The following PCDHA5 variants were observed in gnomAD, a reference collection of about 807,000 sequenced individuals.
The protein encoded by PCDHA5 is protocadherin alpha-5.
A neutral mutation model predicts 61.6 loss-of-function variants in PCDHA5; 43 were observed. The observed-to-expected ratio is 0.70, with a 90% CI of 0.55 to 0.90. PCDHA5 has a LOEUF of 0.90. Among genes scored for constraint, PCDHA5 ranks in the 40% least tolerant of loss-of-function variants. The probability of loss-of-function intolerance (pLI) is 0.00; values close to 1 mark genes in which losing one functional copy is unlikely to be tolerated. For synonymous variants in PCDHA5, 627 were observed against 543.9 expected (o/e 1.15, Z -2.13); for missense variants, 1,298 against 1,222.7 (o/e 1.06, Z -0.92).
chr5:140,934,103 T>C (rs1400037088), intron 1 of PCDHA5, among the ~76,000 whole-genome samples: 1 of 152,148 alleles, frequency 6.6e-6, no homozygotes, highest in Non-Finnish European at 1.5e-5. Context: ...TGCTTTCTAT[T>C]TTATTAATTT....
chr5:140,909,690 G>T (rs2074638063), intron 1 of PCDHA5, among the ~76,000 whole-genome samples: 1 of 152,280 alleles, frequency 6.6e-6, no homozygotes, highest in African/African-American at 2.4e-5. Context: ...CAATGTGGGG[G>T]TTCTGCTAGC....
intron 1 of PCDHA5, among the ~76,000 whole-genome samples, chr5:140,951,121 C>A (rs1223231581): frequency 6.9e-6 from 1 of 145,374 alleles, no homozygotes; most frequent in African/African-American, 2.6e-5. Context: ...TCATTCCTTA[C>A]CAATAAGTTT....
chr5:140,842,877 C>G (rs782040771), intron 1 of PCDHA5: 5 of 1,593,864 alleles, frequency 3.1e-6, no homozygotes, highest in Non-Finnish European at 4.3e-6. Flanking sequence ...AAGGTGTACG[C>G]GCTGCAGCCG....
intron 1 of PCDHA5, chr5:140,851,862 A>G: frequency 2.0e-6 from 2 of 976,238 alleles, no homozygotes; most frequent in Non-Finnish European, 2.5e-6. Context: ...CAGCTCATAC[A>G]TAACACAAGG....
Position 140,967,929 on chromosome 5 carries a change from G to A in PCDHA5, c.2353-11020G>A, listed in dbSNP as rs1554230126. 5 of 1,614,096 alleles carry A rather than the reference G, an allele frequency of 3.1e-6. No homozygotes were observed. The South Asian group carries it at 4.4e-5, about 14-fold the overall frequency. ...CCCAACACCATTGTGGCCGTTCTCAGTGTCAATGACCAAGACTCAGGCCCC... is the reference window on the plus strand; with the variant it reads ...CCCAACACCATTGTGGCCGTTCTCAATGTCAATGACCAAGACTCAGGCCCC... On this transcript the variant is annotated intron_variant, in intron 1 of 3. Coordinates refer to ENST00000529859, the MANE Select transcript of PCDHA5 (RefSeq NM_018908.3).
chr5:140,897,340 C>T, intron 1 of PCDHA5, among the ~76,000 whole-genome samples: 1 of 122,942 alleles, frequency 8.1e-6, no homozygotes, highest in Non-Finnish European at 1.6e-5. Context: ...CCCCTCCCCC[C>T]ACCCCACAAC....
chr5:140,984,140 A>G (rs2097088641), intron 3 of PCDHA5, among the ~76,000 whole-genome samples: 1 of 152,240 alleles, frequency 6.6e-6, no homozygotes, highest in Non-Finnish European at 1.5e-5. Context: ...ATGTGGAGGC[A>G]TCTGGGAAGG....
At chr5:140,884,689 T>C (rs1290961484) in intron 1 of PCDHA5, 11 of 1,534,282 alleles carry the variant, frequency 7.2e-6, no homozygotes, top group Non-Finnish European at 9.6e-6. Flanking sequence ...AAAAATTGTC[T>C]TAGTAAACAC....
At chr5:140,987,585 A>G (rs575330361) in intron 3 of PCDHA5, among the ~76,000 whole-genome samples, 2 of 152,236 alleles carry the variant, frequency 1.3e-5, no homozygotes, top group East Asian at 3.8e-4. Flanking sequence ...AAATGGGGAG[A>G]ATAGTGGTGT....
intron 1 of PCDHA5, among the ~76,000 whole-genome samples, chr5:140,892,867 A>G (rs1452797610): frequency 1.3e-5 from 2 of 152,150 alleles, no homozygotes; most frequent in African/African-American, 4.8e-5. Context: ...CTGTGTAGCT[A>G]TAATTTCGTA....
chr5:140,973,894 G>A (rs1161980569), intron 1 of PCDHA5, among the ~76,000 whole-genome samples: 1 of 152,194 alleles, frequency 6.6e-6, no homozygotes, highest in African/African-American at 2.4e-5. Flanking sequence ...ATTTGCAAAT[G>A]TTTGAGGAAA....
At chr5:140,856,485 T>C (rs1554148765) in intron 1 of PCDHA5, 1 of 1,598,290 alleles carries the variant, frequency 6.3e-7, no homozygotes, top group East Asian at 2.2e-5. Context: ...GAATCCAGAC[T>C]GCTTGACTCT....
chr5:140,883,256 A>G, intron 1 of PCDHA5: 2 of 1,614,146 alleles, frequency 1.2e-6, no homozygotes, highest in Non-Finnish European at 1.7e-6. Flanking sequence ...AAATATTCCA[A>G]TGGCGGGTCA....
At chr5:140,835,476 C>T in intron 1 of PCDHA5, 3 of 1,613,922 alleles carry the variant, frequency 1.9e-6, no homozygotes, top group Non-Finnish European at 2.5e-6. Flanking sequence ...GGACGCCCAA[C>T]CAGGTACCGT....
At position 140,841,885 on chromosome 5, in the gene PCDHA5, G is replaced by A. The variant is rs2150324724; in HGVS notation, c.2352+17758G>A. The A allele has an allele frequency of 1.5e-5, 24 of 1,613,684 alleles. 1 individual carries two copies. In the African/African-American group the frequency reaches 2.7e-4, roughly 18 times the overall value. On this transcript the variant is annotated intron_variant, in intron 1 of 3. Coordinates refer to ENST00000529859, the MANE Select transcript of PCDHA5 (RefSeq NM_018908.3). ...TAGATGTGAATTCAAAGAACGATGA[G>A]AATAAACTGGTTGAGCTCGTATTAA...
chr5:140,824,449 A>C (rs1768125050), intron 1 of PCDHA5: 2 of 452,608 alleles, frequency 4.4e-6, no homozygotes, highest in Non-Finnish European at 3.9e-6. Flanking sequence ...TTATGACTAC[A>C]TGAAAATTTA....
At position 140,828,424 on chromosome 5, in the gene PCDHA5, C is replaced by A. The variant is rs138737999; in HGVS notation, c.2352+4297C>A. The A allele has an allele frequency of 3.3e-5, 54 of 1,614,244 alleles. 1 individual carries two copies. The East Asian group carries it at 6.9e-4, about 21-fold the overall frequency. On this transcript the variant is annotated intron_variant, in intron 1 of 3. Transcript: ENST00000529859. The stretch of plus-strand genomic sequence containing the variant: ...GCATCCACCTGGAGGTGATCGTGGA[C>A]AGGCCGCTGCAGGTTTTCCATGTGG...
intron 3 of PCDHA5, among the ~76,000 whole-genome samples, chr5:141,008,072 T>C (rs1419103459): frequency 2.0e-5 from 3 of 152,272 alleles, no homozygotes; most frequent in Admixed American, 6.5e-5. Context: ...TAAGAACTTA[T>C]TGGGGTTATT....
At position 140,823,218 on chromosome 5, in the gene PCDHA5, G is replaced by T. The variant is rs2150123612; in HGVS notation, c.1443G>T (p.Ala481=). 1 of 1,613,766 alleles carries T rather than the reference G, an allele frequency of 6.2e-7. No individual in the cohort carries two copies. The highest frequency in any genetic ancestry group is 8.5e-7 in the Non-Finnish European group (1 of 1,179,810). The part of the protein sequence containing the change: ...CHIFTVSARD[A]DAQENALVSY... ...TCTTCACGGTGTCTGCACGGGACGCGGACGCGCAGGAGAACGCCCTGGTGT... is the reference window on the plus strand; with the variant it reads ...TCTTCACGGTGTCTGCACGGGACGCTGACGCGCAGGAGAACGCCCTGGTGT... The change falls in exon 1 of 4, where the codon GCG becomes GCT. Residue 481 remains alanine, a synonymous_variant. Coordinates refer to ENST00000529859, the MANE Select transcript of PCDHA5 (RefSeq NM_018908.3).
Sources: allele counts gnomAD v4.1 joint callset (sites outside exome capture counted in the v4.1 genomes callset), GRCh38; gene constraint gnomAD v4.1.1; transcripts MANE v1.5; gene names NCBI Gene and HGNC (gene_info 2026-07-23, HGNC 2026-07-21).